The following USP22 variants were observed in gnomAD, a reference collection of about 807,000 sequenced individuals.
USP22 encodes ubiquitin carboxyl-terminal hydrolase 22.
USP22 carries 22 observed loss-of-function variants against 68.1 expected under a neutral mutation model. That is an observed-to-expected ratio of 0.32 (90% CI 0.23 to 0.46). The LOEUF (loss-of-function observed/expected upper bound fraction) is 0.46, where lower values mean the gene tolerates loss of function less well. USP22 is among the 20% of genes least tolerant of loss of function. The pLI is 1.00. For missense variants in USP22, 433 were observed against 695.8 expected (o/e 0.62, Z 4.25); for synonymous variants, 279 against 274.2 (o/e 1.02, Z -0.17).
At position 21,016,029 on chromosome 17, in the gene USP22, T is replaced by G. The variant is rs1280407840; in HGVS notation, c.691-130A>C. On this transcript the variant is annotated intron_variant, in intron 5 of 12. Transcript: ENST00000261497. ...CTCATTTGACACAAATGTTTGGATT[T>G]TACTTTTCTACTTTTTGCAAAGTCT... 7.2e-6 allele frequency: 9 copies of G among 1,241,994 alleles called. No homozygotes were observed. The South Asian group carries it at 1.5e-4, about 21-fold the overall frequency. 76.9% of individuals were successfully genotyped at this position (1,241,994 alleles called of 1,614,324 possible).
At chr17:21,022,785 C>T (rs892794409) in intron 2 of USP22, among the ~76,000 whole-genome samples, 16 of 126,946 alleles carry the variant, frequency 1.3e-4, no homozygotes, top group African/African-American at 2.9e-4. Context: ...GGCAACAGAG[C>T]GAGACTCCGT....
chr17:21,005,715 A>G (rs1295109373), intron 10 of USP22, among the ~76,000 whole-genome samples: 1 of 152,236 alleles, frequency 6.6e-6, no homozygotes, highest in African/African-American at 2.4e-5. Flanking sequence ...ACTACCAAAA[A>G]GCAACATGCT....
At chr17:21,011,433 G>T in intron 7 of USP22, 124 bp from the exon 8 acceptor site, 1 of 1,275,158 alleles carries the variant, frequency 7.8e-7, no homozygotes, top group Non-Finnish European at 1.1e-6. Flanking sequence ...TGACACTCAG[G>T]TGGGATGGGG....
chr17:21,023,717 C>G (rs577143727), intron 2 of USP22, among the ~76,000 whole-genome samples: 11 of 151,464 alleles, frequency 7.3e-5, no homozygotes, highest in Admixed American at 4.6e-4. Context: ...CGGGAGGCAG[C>G]GAAGCACAGA....
chr17:21,002,844 T>TC lies in USP22; in HGVS notation c.*186dup. On this transcript the variant is annotated 3_prime_UTR_variant, in exon 13 of 13. Transcript: ENST00000261497. ...CATCTTCAAAGCAGCTCCAGGAGCC[T>TC]CCCCGTCCGTGTGGTCCATCCCGAC... The TC allele has an allele frequency of 1.5e-6, 1 of 653,548 alleles. No homozygotes were observed. The highest frequency in any genetic ancestry group is 1.7e-5 in the South Asian group (1 of 58,736). The allele number at this position is 653,548 out of a possible 1,614,324, so 40.5% of individuals were successfully genotyped here.
chr17:21,018,763 A>T (rs1972119351), intron 4 of USP22, among the ~76,000 whole-genome samples: 1 of 152,210 alleles, frequency 6.6e-6, no homozygotes, highest in African/African-American at 2.4e-5. Context: ...GCGAACACTT[A>T]CACTCACACA....
chr17:21,025,433 CA>C (rs954507243), intron 2 of USP22, among the ~76,000 whole-genome samples: 8 of 151,894 alleles, frequency 5.3e-5, no homozygotes, highest in Admixed American at 3.3e-4. Flanking sequence ...GGTGCAGCCA[CA>C]AAAAAAAGAT....
chr17:21,002,990 C>G lies in USP22; in HGVS notation c.*41G>C. 1 of 1,611,312 alleles carries G rather than the reference C, an allele frequency of 6.2e-7. No homozygotes were observed. The highest frequency in any genetic ancestry group is 8.5e-7 in the Non-Finnish European group (1 of 1,178,652). On this transcript the variant is annotated 3_prime_UTR_variant, in exon 13 of 13. Transcript: ENST00000261497. ...GGGAGGATCACTTTGTGAGGCTTGCCAATGCATTGCCTTTGTTTTTCTGAC... is the reference window on the plus strand; with the variant it reads ...GGGAGGATCACTTTGTGAGGCTTGCGAATGCATTGCCTTTGTTTTTCTGAC...
Position 21,011,258 on chromosome 17 carries a change from G to A in USP22, c.996C>T (p.Pro332=), listed in dbSNP as rs768873460. The A allele has an allele frequency of 1.3e-5, 20 of 1,591,188 alleles. No homozygotes were observed. Among genetic ancestry groups the A allele is most frequent in the Admixed American group, 7.1e-5 (4 of 56,006 alleles). ...DPFWDISLDL[P]GSSTPFWPLS... Reference sequence around the variant, plus strand: ...GGGGCCAGAATGGGGTGGAAGAGCCGGGGAGATCCAAGCTGATGTCCCAGA... The same window carrying A: ...GGGGCCAGAATGGGGTGGAAGAGCCAGGGAGATCCAAGCTGATGTCCCAGA... The change falls in exon 8 of 13, where the codon CCC becomes CCT. Residue 332 remains proline (P), a synonymous_variant. Coordinates refer to ENST00000261497, the MANE Select transcript of USP22 (RefSeq NM_015276.2).
chr17:21,003,849 G>A (rs1913680413), intron 12 of USP22, among the ~76,000 whole-genome samples: 1 of 148,582 alleles, frequency 6.7e-6, no homozygotes, highest in African/African-American at 2.5e-5. Flanking sequence ...GCAGTGAGCT[G>A]AGATCATGCC....
At chr17:21,036,318 C>G (rs1972356028) in intron 1 of USP22, among the ~76,000 whole-genome samples, 2 of 152,048 alleles carry the variant, frequency 1.3e-5, no homozygotes, top group African/African-American at 4.8e-5. Flanking sequence ...GCACAAAGAG[C>G]AAACCTTAAT....
intron 2 of USP22, among the ~76,000 whole-genome samples, chr17:21,022,950 C>T (rs1307774850): frequency 1.3e-5 from 2 of 152,110 alleles, no homozygotes; most frequent in Non-Finnish European, 2.9e-5. Flanking sequence ...CAATGGTGGA[C>T]TGGATAAAGA....
At chr17:21,027,219 T>G (rs1202898174) in intron 2 of USP22, among the ~76,000 whole-genome samples, 1 of 129,630 alleles carries the variant, frequency 7.7e-6, no homozygotes, top group Non-Finnish European at 1.6e-5. Context: ...GCCCAGGAGG[T>G]CAAGGCCGCA....
chr17:21,027,322 A>T (rs1046270132), intron 2 of USP22, among the ~76,000 whole-genome samples: 2 of 137,046 alleles, frequency 1.5e-5, no homozygotes, highest in Non-Finnish European at 3.3e-5. Flanking sequence ...CAGACACACT[A>T]TCTGTGTCGT....
intron 2 of USP22, among the ~76,000 whole-genome samples, chr17:21,023,057 T>C (rs1972176562): frequency 6.6e-6 from 1 of 152,194 alleles, no homozygotes; most frequent in Admixed American, 6.5e-5. Flanking sequence ...GTCATTATCC[T>C]TAGAAAACTA....
At position 21,018,897 on chromosome 17, in the gene USP22, C is replaced by T. The variant is rs148677097; in HGVS notation, c.520+187G>A. Among the ~76,000 whole-genome samples, 391 of 152,312 alleles carry T rather than the reference C, an allele frequency of 2.6e-3. 2 individuals are homozygous for T. The highest frequency in any genetic ancestry group is 4.1e-3 in the Non-Finnish European group (277 of 68,032). On this transcript the variant is annotated intron_variant, in intron 4 of 12. Coordinates refer to ENST00000261497, the MANE Select transcript of USP22 (RefSeq NM_015276.2). ...AGGGCTGTTGCTACGCATCACTCTG[C>T]GCCCCAAGCCCACTGCAGGTCCCTG...
intron 2 of USP22, among the ~76,000 whole-genome samples, chr17:21,025,513 G>C (rs184981854): frequency 4.3e-4 from 65 of 152,290 alleles, no homozygotes; most frequent in Middle Eastern, 3.4e-3. Flanking sequence ...ACATCCAAGA[G>C]AAATGAAAAC....
chr17:21,025,283 C>T (rs550080360), intron 2 of USP22, among the ~76,000 whole-genome samples: 1 of 152,214 alleles, frequency 6.6e-6, no homozygotes, highest in East Asian at 1.9e-4. Flanking sequence ...AAATATTCAA[C>T]ATCACTGGTC....
At chr17:21,033,262 T>C (rs1284376915) in intron 1 of USP22, among the ~76,000 whole-genome samples, 1 of 152,184 alleles carries the variant, frequency 6.6e-6, no homozygotes, top group African/African-American at 2.4e-5. Context: ...TATAAATTAA[T>C]TCAAGTAGAT....
Sources: allele counts gnomAD v4.1 joint callset (sites outside exome capture counted in the v4.1 genomes callset), GRCh38; gene constraint gnomAD v4.1.1; transcripts MANE v1.5; gene names NCBI Gene and HGNC (gene_info 2026-07-23, HGNC 2026-07-21).